The following CDKL1 variants were observed in gnomAD, a reference collection of about 807,000 sequenced individuals.
CDKL1 encodes the protein cyclin dependent kinase like 1, also known as cyclin-dependent kinase-like 1.
Under a neutral mutation model 42.0 loss-of-function variants are expected in CDKL1, and 41 were observed. That is an observed-to-expected ratio of 0.98 (90% CI 0.76 to 1.27). The LOEUF is 1.27. Among genes scored for constraint, CDKL1 ranks in the 50% most tolerant of loss-of-function variants. The pLI, the probability that CDKL1 is intolerant of heterozygous loss-of-function variation, is 0.00. For synonymous variants in CDKL1, 153 were observed against 158.6 expected (o/e 0.96, Z 0.26); for missense variants, 394 against 428.4 (o/e 0.92, Z 0.71).
intron 3 of CDKL1, among the ~76,000 whole-genome samples, chr14:50,353,002 A>T (rs1439228831): frequency 6.6e-6 from 1 of 152,220 alleles, no homozygotes. Flanking sequence ...TGTTAAACTG[A>T]GATTGCTTAA....
intron 7 of CDKL1, chr14:50,335,854 ACATACTAAT>A: frequency 7.8e-7 from 1 of 1,285,096 alleles, no homozygotes. Flanking sequence ...TGGATTGTAC[ACATACTAAT>A]CATTGATAAG....
chr14:50,397,258 C>T (rs2035444050), upstream of CDKL1: 12 of 1,366,584 alleles, frequency 8.8e-6, no homozygotes, highest in Non-Finnish European at 1.2e-5. Context: ...TTGGAGGCAT[C>T]TTCTGTGTCT....
At chr14:50,380,883 C>A (rs1033877366) in intron 2 of CDKL1, among the ~76,000 whole-genome samples, 1 of 149,524 alleles carries the variant, frequency 6.7e-6, no homozygotes, top group Admixed American at 6.8e-5. Context: ...CTCTCTGTAG[C>A]CTTCAACTCC....
At chr14:50,380,200 A>C (rs2034863426) in intron 2 of CDKL1, 1 of 532,676 alleles carries the variant, frequency 1.9e-6, no homozygotes, top group South Asian at 1.4e-5. Context: ...CTGGCAACAC[A>C]ACCCTGGTCA....
intron 6 of CDKL1, 115 bp from the exon 7 acceptor site, chr14:50,339,144 C>G (rs887657397): frequency 2.7e-6 from 2 of 743,026 alleles, no homozygotes; most frequent in Middle Eastern, 3.4e-4. Flanking sequence ...CTGCAGTGTT[C>G]TTGGGCAATC....
At chr14:50,384,818 C>T (rs1199999488) in intron 2 of CDKL1, among the ~76,000 whole-genome samples, 2 of 151,576 alleles carry the variant, frequency 1.3e-5, no homozygotes, top group African/African-American at 4.8e-5. Context: ...CACCTGTAAT[C>T]CCAGCACTTT....
rs79503170 is a variant in CDKL1, at chr14:50,330,550, C to T, written c.967-369G>A. ...CGGAGAAAACTGATAAACAGAGCAC[C>T]TAGGCAATTTGCCTACTCACTCTCT... On this transcript the variant is annotated intron_variant, in intron 9 of 9. Coordinates refer to ENST00000395834, the MANE Select transcript of CDKL1 (RefSeq NM_004196.7). 7 of 203,578 alleles carry T rather than the reference C, an allele frequency of 3.4e-5. No individual in the cohort carries two copies. In the South Asian group the frequency reaches 4.9e-4, roughly 14 times the overall value. 12.6% of individuals were successfully genotyped at this position (203,578 alleles called of 1,614,324 possible).
intron 2 of CDKL1, among the ~76,000 whole-genome samples, chr14:50,367,708 C>T (rs868143750): frequency 6.6e-6 from 1 of 152,108 alleles, no homozygotes; most frequent in Middle Eastern, 3.2e-3. Context: ...ATGACAATTC[C>T]TTCCTATATA....
At chr14:50,380,649 A>C (rs1329212908) in intron 2 of CDKL1, among the ~76,000 whole-genome samples, 1 of 152,192 alleles carries the variant, frequency 6.6e-6, no homozygotes, top group Non-Finnish European at 1.5e-5. Context: ...TGATGACATC[A>C]TGTTAACTGG....
chr14:50,388,775 G>A (rs1309893890), intron 2 of CDKL1, among the ~76,000 whole-genome samples: 1 of 152,106 alleles, frequency 6.6e-6, no homozygotes, highest in Non-Finnish European at 1.5e-5. Context: ...CTTGCCCAAG[G>A]TCACTCCACA....
chr14:50,370,534 ACT>A (rs1268819645), intron 2 of CDKL1, among the ~76,000 whole-genome samples: 2 of 151,778 alleles, frequency 1.3e-5, no homozygotes, highest in South Asian at 2.1e-4. Flanking sequence ...CCACCATTCT[ACT>A]CTCTGCTTCT....
At chr14:50,377,958 T>TA (rs771412562) in intron 2 of CDKL1, among the ~76,000 whole-genome samples, 38 of 152,008 alleles carry the variant, frequency 2.5e-4, no homozygotes, top group Non-Finnish European at 4.9e-4. Context: ...TCTCAGGACT[T>TA]AAAGGGCAGC....
Position 50,392,489 on chromosome 14 carries a change from A to AATG in CDKL1, c.168+3209_168+3211dup, listed in dbSNP as rs1555345935. Among the ~76,000 whole-genome samples, 381 of 147,278 alleles carry AATG rather than the reference A, an allele frequency of 2.6e-3. 1 individual carries two copies. The highest frequency in any genetic ancestry group is 6.5e-3 in the African/African-American group (257 of 39,712). ...TAATAATAATAATAATAATAATAAT[A>AATG]ATGAAAGAACATTGTTCTATGGGGT... On this transcript the variant is annotated intron_variant, in intron 2 of 9. Coordinates refer to ENST00000395834, the MANE Select transcript of CDKL1 (RefSeq NM_004196.7).
chr14:50,342,109 C>T, intron 5 of CDKL1, 23 bp downstream of exon 5: 1 of 1,597,298 alleles, frequency 6.3e-7, no homozygotes, highest in Non-Finnish European at 8.6e-7. Context: ...TTATACTTAA[C>T]AAAAGAAAAT....
At chr14:50,335,168 C>A (rs930391539) in intron 7 of CDKL1, among the ~76,000 whole-genome samples, 1 of 151,448 alleles carries the variant, frequency 6.6e-6, no homozygotes, top group Non-Finnish European at 1.5e-5. Flanking sequence ...TGGTGGTGTG[C>A]GCCTCTAGTA....
intron 2 of CDKL1, among the ~76,000 whole-genome samples, chr14:50,360,369 C>G (rs1172344640): frequency 6.6e-6 from 1 of 152,100 alleles, no homozygotes; most frequent in African/African-American, 2.4e-5. Context: ...TCCTTCCTCC[C>G]CCCAGTCCCT....
chr14:50,347,993 C>A (rs2033782756), intron 3 of CDKL1, among the ~76,000 whole-genome samples: 1 of 152,142 alleles, frequency 6.6e-6, no homozygotes, highest in Non-Finnish European at 1.5e-5. Flanking sequence ...ATTAAGCAAG[C>A]CCAGCTAATT....
intron 2 of CDKL1, among the ~76,000 whole-genome samples, chr14:50,395,245 G>C (rs568752838): frequency 2.6e-5 from 4 of 152,304 alleles, no homozygotes; most frequent in African/African-American, 9.6e-5. Flanking sequence ...AATGGTCCTT[G>C]AAAACCCAGG....
chr14:50,371,169 T>C (rs759002739), intron 2 of CDKL1, among the ~76,000 whole-genome samples: 3 of 152,234 alleles, frequency 2.0e-5, no homozygotes, highest in Non-Finnish European at 2.9e-5. Context: ...GCCACTTAGG[T>C]TAATTTTATG....
Sources: allele counts gnomAD v4.1 joint callset (sites outside exome capture counted in the v4.1 genomes callset), GRCh38; gene constraint gnomAD v4.1.1; transcripts MANE v1.5; gene names NCBI Gene and HGNC (gene_info 2026-07-23, HGNC 2026-07-21).